Variants in SLC39A11 observed in about 807,000 individuals in gnomAD.
SLC39A11 encodes solute carrier family 39 member 11.
In SLC39A11, 33 loss-of-function variants were observed where a neutral mutation model predicts 36.1. The observed-to-expected ratio is 0.91, with a 90% CI of 0.69 to 1.22. The LOEUF (loss-of-function observed/expected upper bound fraction) is 1.22. Ranked by LOEUF, SLC39A11 falls within the 50% of genes most tolerant of loss-of-function variation. The pLI is 0.00. For synonymous variants in SLC39A11, 166 were observed against 170.3 expected, an observed-to-expected ratio of 0.97 and a Z score of 0.20; for missense variants, 432 against 430.3, an observed-to-expected ratio of 1.00 and a Z score of -0.03.
chr17:73,047,990 A>AAAAAAATATAT (rs1555693446), intron 3 of SLC39A11, among the ~76,000 whole-genome samples: 1 of 58,698 alleles, frequency 1.7e-5, no homozygotes, highest in African/African-American at 6.6e-5. Flanking sequence ...AAAAAAAAAA[A>AAAAAAATATAT]ATATATATAT....
chr17:72,761,970 G>C (rs199547600), intron 6 of SLC39A11, among the ~76,000 whole-genome samples: 1 of 152,196 alleles, frequency 6.6e-6, no homozygotes, highest in East Asian at 1.9e-4. Flanking sequence ...AGCAGAGAGG[G>C]ACAGCAAGTA....
At chr17:72,734,250 A>C (rs528118310) in intron 7 of SLC39A11, among the ~76,000 whole-genome samples, 7 of 152,264 alleles carry the variant, frequency 4.6e-5, no homozygotes, top group African/African-American at 1.4e-4. Flanking sequence ...GAGAGGAGGG[A>C]ATCACAAACT....
At chr17:72,908,012 C>A (rs908998535) in intron 5 of SLC39A11, among the ~76,000 whole-genome samples, 3 of 152,212 alleles carry the variant, frequency 2.0e-5, no homozygotes, top group African/African-American at 4.8e-5. Flanking sequence ...TGGCTCTTGT[C>A]TTCTCATGGG....
intron 6 of SLC39A11, among the ~76,000 whole-genome samples, chr17:72,816,168 T>G (rs1426995962): frequency 6.6e-6 from 1 of 152,210 alleles, no homozygotes; most frequent in Non-Finnish European, 1.5e-5. Flanking sequence ...TTCCTGAAGG[T>G]GGTTGCCCAG....
chr17:72,872,287 A>T (rs1391267785), intron 5 of SLC39A11, among the ~76,000 whole-genome samples: 2 of 152,084 alleles, frequency 1.3e-5, no homozygotes, highest in Non-Finnish European at 1.5e-5. Context: ...ATCCTCACAC[A>T]TGGGAAACCC....
In SLC39A11 at chr17:72,752,020, A is replaced by G. The variant is rs971501300; in HGVS notation, c.602-15301T>C. Among the ~76,000 whole-genome samples, 26 of 152,118 alleles carry G rather than the reference A, an allele frequency of 1.7e-4. 1 individual carries two copies. The highest frequency in any genetic ancestry group is 3.4e-4 in the Non-Finnish European group (23 of 68,036). On this transcript the variant is annotated intron_variant, in intron 6 of 9. Transcript: ENST00000255559. ...CACTGACTCCTCAGGTGTCTCGCAG[A>G]GCAGGACTCACACAGTATCTGTGAT...
intron 7 of SLC39A11, among the ~76,000 whole-genome samples, chr17:72,728,405 G>A (rs2074021383): frequency 6.6e-6 from 1 of 152,142 alleles, no homozygotes; most frequent in African/African-American, 2.4e-5. Context: ...TTGCACCACT[G>A]CACTACAGCC....
At chr17:72,678,397 T>A (rs2071366300) in intron 7 of SLC39A11, among the ~76,000 whole-genome samples, 1 of 151,966 alleles carries the variant, frequency 6.6e-6, no homozygotes. Flanking sequence ...GGAGGGATGT[T>A]CTCCTTGCTT....
chr17:72,800,147 C>T (rs905474340), intron 6 of SLC39A11, among the ~76,000 whole-genome samples: 1 of 152,048 alleles, frequency 6.6e-6, no homozygotes, highest in Non-Finnish European at 1.5e-5. Context: ...AGCACAGACA[C>T]ATGCAAGAGG....
intron 6 of SLC39A11, among the ~76,000 whole-genome samples, chr17:72,768,885 C>T (rs562587978): frequency 2.3e-4 from 35 of 152,084 alleles, no homozygotes; most frequent in African/African-American, 7.5e-4. Context: ...CTCAGCCTCC[C>T]GAGTAGCTGG....
chr17:72,778,045 C>T (rs1444764000), intron 6 of SLC39A11, among the ~76,000 whole-genome samples: 3 of 152,142 alleles, frequency 2.0e-5, no homozygotes, highest in Non-Finnish European at 2.9e-5. Flanking sequence ...GCTGGGATTA[C>T]AGGTGCCTGC....
At chr17:72,798,859 A>G (rs1350300229) in intron 6 of SLC39A11, among the ~76,000 whole-genome samples, 1 of 152,126 alleles carries the variant, frequency 6.6e-6, no homozygotes, top group Non-Finnish European at 1.5e-5. Flanking sequence ...GCAAACTGTC[A>G]GCATCTAGCT....
intron 4 of SLC39A11, among the ~76,000 whole-genome samples, chr17:72,986,274 C>T: frequency 6.6e-6 from 1 of 152,136 alleles, no homozygotes; most frequent in East Asian, 1.9e-4. Flanking sequence ...GCCAGGACAC[C>T]CTAGTCACAA....
chr17:73,066,540 CTT>C (rs534796038), intron 3 of SLC39A11, among the ~76,000 whole-genome samples: 277 of 152,296 alleles, frequency 1.8e-3, no homozygotes, highest in African/African-American at 6.2e-3. Flanking sequence ...TCCTTATTAT[CTT>C]TGTTATTTAC....
At chr17:72,688,657 G>A (rs1056905467) in intron 7 of SLC39A11, among the ~76,000 whole-genome samples, 3 of 152,298 alleles carry the variant, frequency 2.0e-5, no homozygotes, top group South Asian at 2.1e-4. Context: ...GTTTCCAGTC[G>A]TCAAATTACT....
At chr17:72,877,028 G>GA (rs1340147405) in intron 5 of SLC39A11, among the ~76,000 whole-genome samples, 9 of 152,116 alleles carry the variant, frequency 5.9e-5, no homozygotes, top group African/African-American at 1.9e-4. Flanking sequence ...GGTAGGCTAA[G>GA]AAAAAATGCA....
At chr17:73,088,595 G>A (rs1289359199) in intron 2 of SLC39A11, 62 bp downstream of exon 2, 5 of 1,329,672 alleles carry the variant, frequency 3.8e-6, no homozygotes, top group African/African-American at 1.5e-5. Context: ...CATGGAGTGG[G>A]ACAGTGCCCC....
At chr17:72,871,675 C>G (rs2080635943) in intron 5 of SLC39A11, among the ~76,000 whole-genome samples, 1 of 152,186 alleles carries the variant, frequency 6.6e-6, no homozygotes, top group African/African-American at 2.4e-5. Context: ...TGTGCCCCAT[C>G]CCCCAGGCCT....
chr17:72,895,600 A>G (rs1175537770), intron 5 of SLC39A11, among the ~76,000 whole-genome samples: 1 of 151,476 alleles, frequency 6.6e-6, no homozygotes, highest in African/African-American at 2.4e-5. Flanking sequence ...AAAAAATCCC[A>G]CTAAATGGAA....
Sources: gnomAD v4.1 joint callset for allele counts (sites outside exome capture counted in the v4.1 genomes callset) on GRCh38, gnomAD v4.1.1 for gene constraint, MANE v1.5 for transcripts, NCBI Gene and HGNC (gene_info 2026-07-23, HGNC 2026-07-21) for gene names.